Variants in LRFN5 observed in about 807,000 individuals in gnomAD.
LRFN5 encodes the protein leucine rich repeat and fibronectin type III domain containing 5.
Under a neutral mutation model 45.6 loss-of-function variants are expected in LRFN5, and 24 were observed. The observed-to-expected ratio is 0.53, with a 90% CI of 0.38 to 0.74. The LOEUF is 0.74. LRFN5 is among the 30% of genes least tolerant of loss of function. The pLI is 0.00. For missense variants in LRFN5, 776 were observed against 861.5 expected, an observed-to-expected ratio of 0.90 and a Z score of 1.24; for synonymous variants, 340 against 313.8, an observed-to-expected ratio of 1.08 and a Z score of -0.88.
At chr14:41,653,271 AT>A (rs1228273140) in intron 1 of LRFN5, among the ~76,000 whole-genome samples, 2 of 152,048 alleles carry the variant, frequency 1.3e-5, no homozygotes, top group Admixed American at 1.3e-4. Flanking sequence ...TGCCTAGGTC[AT>A]CTTCCAGAGT....
chr14:41,877,729 A>G (rs1890236479), intron 2 of LRFN5, among the ~76,000 whole-genome samples: 1 of 152,090 alleles, frequency 6.6e-6, no homozygotes, highest in Admixed American at 6.5e-5. Flanking sequence ...TAAATATCAA[A>G]GTATAATAAG....
At chr14:41,741,989 T>C (rs1203296343) in intron 1 of LRFN5, among the ~76,000 whole-genome samples, 1 of 151,728 alleles carries the variant, frequency 6.6e-6, no homozygotes, top group African/African-American at 2.4e-5. Context: ...CCCATTAAAA[T>C]GGCTATTACA....
At chr14:41,876,147 A>G (rs180942236) in intron 2 of LRFN5, among the ~76,000 whole-genome samples, 1 of 152,100 alleles carries the variant, frequency 6.6e-6, no homozygotes, top group Non-Finnish European at 1.5e-5. Flanking sequence ...ACCAGAAATC[A>G]TTTCTCCACC....
At chr14:41,866,959 T>C (rs1467197779) in intron 2 of LRFN5, among the ~76,000 whole-genome samples, 1 of 152,116 alleles carries the variant, frequency 6.6e-6, no homozygotes, top group Non-Finnish European at 1.5e-5. Context: ...GACCACATGC[T>C]CTTATTTATG....
At chr14:41,609,037 G>GTT (rs1887621611) in intron 1 of LRFN5, among the ~76,000 whole-genome samples, 1 of 152,146 alleles carries the variant, frequency 6.6e-6, no homozygotes, top group Admixed American at 6.5e-5. Flanking sequence ...GGAGGAGCTT[G>GTT]CCAGATCTTT....
chr14:41,756,377 T>C (rs1036256390), intron 1 of LRFN5, among the ~76,000 whole-genome samples: 4 of 152,250 alleles, frequency 2.6e-5, no homozygotes, highest in African/African-American at 9.6e-5. Flanking sequence ...CTTGGTTCCA[T>C]TCTCCCCGTC....
intron 1 of LRFN5, among the ~76,000 whole-genome samples, chr14:41,705,772 T>C (rs529915805): frequency 6.6e-6 from 1 of 152,214 alleles, no homozygotes; most frequent in African/African-American, 2.4e-5. Flanking sequence ...TAGTAAACGA[T>C]CTTTATATAG....
At chr14:41,844,434 C>T (rs1177746154) in intron 2 of LRFN5, among the ~76,000 whole-genome samples, 1 of 72,888 alleles carries the variant, frequency 1.4e-5, no homozygotes, top group African/African-American at 6.3e-5. Context: ...AAGACTCCGT[C>T]TCAAAAAAAA....
intron 2 of LRFN5, among the ~76,000 whole-genome samples, chr14:41,851,617 A>G (rs1025955390): frequency 4.0e-5 from 6 of 151,752 alleles, no homozygotes; most frequent in Admixed American, 2.0e-4. Flanking sequence ...TGGTTGTTTA[A>G]TTTTTTCTGA....
intron 1 of LRFN5, among the ~76,000 whole-genome samples, chr14:41,741,133 A>G (rs1413766136): frequency 1.3e-5 from 2 of 151,718 alleles, no homozygotes; most frequent in Admixed American, 6.7e-5. Flanking sequence ...TTTTAAAAAC[A>G]TACATAGTAC....
rs1890584984 is a variant in LRFN5 at position 41,886,698 on chromosome 14, G to T, written c.73G>T (p.Val25Phe). Reference protein sequence around the residue: ...VKAQICPKRCVCQILSPNLAT... With the variant: ...VKAQICPKRCFCQILSPNLAT... ...AGCTCAGATCTGTCCAAAGCGTTGTGTCTGTCAGATTTTGTCTCCTAATCT... is the reference window on the plus strand; with the variant it reads ...AGCTCAGATCTGTCCAAAGCGTTGTTTCTGTCAGATTTTGTCTCCTAATCT... Residue 25 changes from valine (V) to phenylalanine (F), a missense_variant, in exon 3 of 6, where the codon GTC becomes TTC. By Grantham distance (50) the Val-to-Phe change is conservative. Transcript: ENST00000298119. 4 of 1,613,908 alleles carry T rather than the reference G, an allele frequency of 2.5e-6. No homozygotes were observed. In the African/African-American group the frequency reaches 5.3e-5, roughly 22 times the overall value.
intron 1 of LRFN5, among the ~76,000 whole-genome samples, chr14:41,642,175 C>T (rs1299047809): frequency 3.3e-5 from 5 of 152,126 alleles, no homozygotes; most frequent in African/African-American, 7.2e-5. Flanking sequence ...GATTAACCAA[C>T]ATAACTCTTA....
At chr14:41,702,095 T>C (rs967983673) in intron 1 of LRFN5, among the ~76,000 whole-genome samples, 5 of 152,124 alleles carry the variant, frequency 3.3e-5, no homozygotes, top group African/African-American at 1.2e-4. Flanking sequence ...ACTGATTAGG[T>C]AGATGAATAC....
chr14:41,758,316 A>G (rs1006279418), intron 1 of LRFN5, among the ~76,000 whole-genome samples: 1 of 152,196 alleles, frequency 6.6e-6, no homozygotes, highest in Non-Finnish European at 1.5e-5. Context: ...GAATGCTGAG[A>G]TTGCAGTCCT....
intron 1 of LRFN5, among the ~76,000 whole-genome samples, chr14:41,631,816 G>T (rs538004958): frequency 6.6e-6 from 1 of 152,158 alleles, no homozygotes; most frequent in African/African-American, 2.4e-5. Context: ...GGGCAAATGC[G>T]GCTAAACAGA....
At chr14:41,627,901 G>A (rs917970864) in intron 1 of LRFN5, among the ~76,000 whole-genome samples, 3 of 151,606 alleles carry the variant, frequency 2.0e-5, no homozygotes, top group Non-Finnish European at 4.4e-5. Flanking sequence ...TTTTTCTCTT[G>A]AGAAACAATG....
At chr14:41,652,642 A>T (rs1880184722) in intron 1 of LRFN5, among the ~76,000 whole-genome samples, 1 of 152,088 alleles carries the variant, frequency 6.6e-6, no homozygotes, top group Non-Finnish European at 1.5e-5. Context: ...GGGAGTTCTG[A>T]CCTACCTGAT....
Position 41,768,118 on chromosome 14 carries a change from G to A in LRFN5, c.-21+1089G>A, listed in dbSNP as rs531322218. Reference sequence around the variant, plus strand: ...AGTGAACAGGTAAGAGATACTTAATGAACCCACTTTTATTTTGCGACATAT... The same window carrying A: ...AGTGAACAGGTAAGAGATACTTAATAAACCCACTTTTATTTTGCGACATAT... On this transcript the variant is annotated intron_variant, in intron 2 of 5. Transcript: ENST00000298119. Among the ~76,000 whole-genome samples the A allele has an allele frequency of 2.0e-5, 3 of 152,182 alleles. No homozygotes were observed. The South Asian group carries it at 6.2e-4, about 32-fold the overall frequency.
chr14:41,633,528 T>C (rs527773651), intron 1 of LRFN5, among the ~76,000 whole-genome samples: 11 of 152,174 alleles, frequency 7.2e-5, no homozygotes, highest in Admixed American at 3.9e-4. Context: ...GGCCAGTGTT[T>C]AGTGAAACAA....
Sources: allele counts gnomAD v4.1 joint callset (sites outside exome capture counted in the v4.1 genomes callset), GRCh38; gene constraint gnomAD v4.1.1; transcripts MANE v1.5; gene names NCBI Gene and HGNC (gene_info 2026-07-23, HGNC 2026-07-21).